Variants in TRIM44 observed in about 807,000 individuals in gnomAD.
TRIM44 encodes the protein tripartite motif containing 44, also known as tripartite motif-containing protein 44.
In TRIM44, 13 loss-of-function variants were observed where a neutral mutation model predicts 37.4. The observed-to-expected ratio is 0.35, with a 90% CI of 0.23 to 0.55. TRIM44 has a LOEUF of 0.55. Ranked by LOEUF, TRIM44 falls within the 20% of genes least tolerant of loss-of-function variation. The pLI, the probability that TRIM44 is intolerant of heterozygous loss-of-function variation, is 0.89. For missense variants in TRIM44, 426 were observed against 437.2 expected (o/e 0.97, Z 0.23); for synonymous variants, 175 against 157.2 (o/e 1.11, Z -0.85).
intron 1 of TRIM44, among the ~76,000 whole-genome samples, chr11:35,665,527 T>G (rs1851320804): frequency 6.6e-6 from 1 of 151,900 alleles, no homozygotes; most frequent in African/African-American, 2.4e-5. Context: ...CCTAGTCAGT[T>G]CTTTTGCCCA....
At chr11:35,757,538 T>C (rs904907261) in intron 4 of TRIM44, among the ~76,000 whole-genome samples, 20 of 152,230 alleles carry the variant, frequency 1.3e-4, no homozygotes, top group Non-Finnish European at 4.4e-5. Flanking sequence ...TGCCTTCTGC[T>C]AACTTTTGAA....
rs755159029 is a variant in TRIM44 at position 35,663,711 on chromosome 11, G to A, written c.600G>A (p.Leu200=). The A allele has an allele frequency of 1.2e-6, 2 of 1,614,160 alleles. No homozygotes were observed. The highest frequency in any genetic ancestry group is 4.5e-5 in the East Asian group (2 of 44,858). The change falls in exon 1 of 5, where the codon CTG becomes CTA. Residue 200 remains leucine (L), a synonymous_variant. Transcript: ENST00000299413. ...AAGATAGGCAGCTCATCTGTGTCCT[G>A]TGTCCAGTCATTGGGGCTCACCAGG... ...CQEDRQLICV[L]CPVIGAHQGH...
intron 2 of TRIM44, among the ~76,000 whole-genome samples, chr11:35,705,714 C>T (rs1365683264): frequency 8.8e-5 from 13 of 147,260 alleles, no homozygotes; most frequent in East Asian, 4.0e-4. Context: ...TTGAAACCAA[C>T]GAGAACAAAG....
chr11:35,713,274 A>C (rs1852000951), intron 2 of TRIM44, among the ~76,000 whole-genome samples: 1 of 152,076 alleles, frequency 6.6e-6, no homozygotes, highest in South Asian at 2.1e-4. Context: ...CTACTTCCTA[A>C]CTCAGCCCAT....
At chr11:35,774,313 G>C (rs1852919881) in intron 4 of TRIM44, among the ~76,000 whole-genome samples, 1 of 151,948 alleles carries the variant, frequency 6.6e-6, no homozygotes, top group South Asian at 2.1e-4. Context: ...CTTTTTGATG[G>C]GGTTGATTTT....
At chr11:35,734,494 C>CCATT (rs1292869776) in intron 3 of TRIM44, among the ~76,000 whole-genome samples, 5 of 152,138 alleles carry the variant, frequency 3.3e-5, no homozygotes, top group Non-Finnish European at 7.3e-5. Flanking sequence ...CCAGTAGGAA[C>CCATT]CATTCATTCA....
intron 4 of TRIM44, among the ~76,000 whole-genome samples, chr11:35,761,877 C>T (rs780901520): frequency 3.3e-5 from 5 of 152,222 alleles, no homozygotes; most frequent in African/African-American, 4.8e-5. Flanking sequence ...TCCCTGTTTG[C>T]TCTTTGAGCC....
At chr11:35,749,309 T>A (rs2135528872) in intron 4 of TRIM44, among the ~76,000 whole-genome samples, 1 of 152,354 alleles carries the variant, frequency 6.6e-6, no homozygotes, top group Non-Finnish European at 1.5e-5. Context: ...TTAATCCTTC[T>A]TTCAAAATCT....
chr11:35,671,317 A>G (rs1328805714), intron 1 of TRIM44, among the ~76,000 whole-genome samples: 1 of 152,226 alleles, frequency 6.6e-6, no homozygotes, highest in Non-Finnish European at 1.5e-5. Flanking sequence ...AAGTTATGTT[A>G]TAGTTTGTTC....
intron 2 of TRIM44, among the ~76,000 whole-genome samples, chr11:35,707,059 G>C (rs1464023778): frequency 1.3e-5 from 2 of 152,152 alleles, no homozygotes; most frequent in African/African-American, 4.8e-5. Flanking sequence ...AGCAACTTCA[G>C]CAAATTCTCA....
chr11:35,783,343 C>T (rs1380212890), intron 4 of TRIM44, among the ~76,000 whole-genome samples: 2 of 152,280 alleles, frequency 1.3e-5, no homozygotes, highest in Middle Eastern at 3.4e-3. Context: ...GAATGTACCA[C>T]CTCACTGATG....
chr11:35,701,344 G>C (rs1851786114), intron 2 of TRIM44, among the ~76,000 whole-genome samples: 1 of 151,830 alleles, frequency 6.6e-6, no homozygotes, highest in Non-Finnish European at 1.5e-5. Context: ...ATATCTGCTT[G>C]TAATTAAGCT....
intron 2 of TRIM44, among the ~76,000 whole-genome samples, chr11:35,715,885 A>G (rs1331386340): frequency 2.0e-5 from 3 of 152,032 alleles, no homozygotes; most frequent in Non-Finnish European, 4.4e-5. Flanking sequence ...CCATTTTTAA[A>G]CCAGATCTTG....
intron 3 of TRIM44, 134 bp from the exon 4 acceptor site, chr11:35,735,292 G>A: frequency 1.2e-6 from 1 of 821,694 alleles, no homozygotes; most frequent in Admixed American, 2.1e-5. Context: ...TTAGATGTCT[G>A]TTGGTTTGTC....
chr11:35,711,242 T>C (rs1254601528), intron 2 of TRIM44, among the ~76,000 whole-genome samples: 1 of 151,888 alleles, frequency 6.6e-6, no homozygotes, highest in African/African-American at 2.4e-5. Flanking sequence ...GATTACTGCC[T>C]GAATCAGTTT....
intron 2 of TRIM44, among the ~76,000 whole-genome samples, chr11:35,691,878 C>T (rs1851640569): frequency 1.3e-5 from 2 of 152,286 alleles, no homozygotes; most frequent in South Asian, 4.1e-4. Flanking sequence ...ATCTCCTGAC[C>T]TCGTGATCCA....
At chr11:35,702,285 C>T (rs1302165891) in intron 2 of TRIM44, among the ~76,000 whole-genome samples, 4 of 152,318 alleles carry the variant, frequency 2.6e-5, no homozygotes, top group Admixed American at 6.5e-5. Flanking sequence ...CAGAATCACT[C>T]GCCCACGCTC....
At chr11:35,672,433 G>C (rs917199306) in intron 1 of TRIM44, among the ~76,000 whole-genome samples, 70 of 152,348 alleles carry the variant, frequency 4.6e-4, no homozygotes, top group African/African-American at 1.7e-3. Context: ...AGAAAAGGTA[G>C]AGTCTTACAA....
chr11:35,683,693 T>C (rs962791819), intron 1 of TRIM44, among the ~76,000 whole-genome samples: 1 of 152,100 alleles, frequency 6.6e-6, no homozygotes, highest in Admixed American at 6.5e-5. Context: ...GATAGAGTTG[T>C]TGAGATAAGA....
Sources: gnomAD v4.1 joint callset for allele counts (sites outside exome capture counted in the v4.1 genomes callset) on GRCh38, gnomAD v4.1.1 for gene constraint, MANE v1.5 for transcripts, NCBI Gene and HGNC (gene_info 2026-07-23, HGNC 2026-07-21) for gene names.